The following ACAP2 variants were observed in gnomAD, a reference collection of about 807,000 sequenced individuals.
The protein encoded by ACAP2 is arf-GAP with coiled-coil, ANK repeat and PH domain-containing protein 2.
A neutral mutation model predicts 115.8 loss-of-function variants in ACAP2; 39 were observed. The observed-to-expected ratio is 0.34, with a 90% CI of 0.26 to 0.44. ACAP2 has a LOEUF of 0.44. Ranked by LOEUF, ACAP2 falls within the 20% of genes least tolerant of loss-of-function variation. The pLI is 1.00. For synonymous variants in ACAP2, 289 were observed against 315.8 expected, an observed-to-expected ratio of 0.92 and a Z score of 0.90; for missense variants, 662 against 927.6, an observed-to-expected ratio of 0.71 and a Z score of 3.72.
In ACAP2 at chr3:195,341,321, G is replaced by GTTTTT. The variant is rs377628235; in HGVS notation, c.528+1145_528+1149dup. ...TTCGTTTGTTTGTTTTATTGTGTGGGTTTTTTTTTTTTTTTTTTTTTGAGA... is the reference window on the plus strand; with the variant it reads ...TTCGTTTGTTTGTTTTATTGTGTGGGTTTTTTTTTTTTTTTTTTTTTTTTTTGAGA... On this transcript the variant is annotated intron_variant, in intron 6 of 22. Transcript: ENST00000326793. Among the ~76,000 whole-genome samples the GTTTTT allele has an allele frequency of 1.6e-3, 166 of 107,042 alleles. 11 individuals carry two copies. Among genetic ancestry groups the GTTTTT allele is most frequent in the South Asian group, 3.7e-3 (12 of 3,200 alleles). 70.2% of individuals were successfully genotyped at this position (107,042 alleles called of 152,430 possible). A position where few individuals can be genotyped will look rare whatever the true frequency, so the allele number is the denominator to read the frequency against.
chr3:195,378,369 A>G (rs1329485912), intron 4 of ACAP2, among the ~76,000 whole-genome samples: 1 of 152,054 alleles, frequency 6.6e-6, no homozygotes, highest in Non-Finnish European at 1.5e-5. Context: ...GCACGTCCCT[A>G]TAGTCCCAGC....
At position 195,345,825 on chromosome 3, in the gene ACAP2, T is replaced by C. The variant is rs546571507; in HGVS notation, c.286-508A>G. Among the ~76,000 whole-genome samples the C allele has an allele frequency of 1.0e-3, 155 of 152,210 alleles. 2 individuals are homozygous for C. Among genetic ancestry groups the C allele is most frequent in the Non-Finnish European group, 1.3e-3 (91 of 68,014 alleles). The stretch of plus-strand genomic sequence containing the variant: ...TATATCATCCTTTAGGTTAAATAAC[T>C]GCTAACAGTAGAGACAAGAGTAAAA... On this transcript the variant is annotated intron_variant, in intron 4 of 22. Transcript: ENST00000326793.
At chr3:195,339,537 G>A (rs4677829) in intron 6 of ACAP2, among the ~76,000 whole-genome samples, 42,094 of 148,658 alleles carry the variant, frequency 0.28, 6,707 homozygotes, top group East Asian at 0.71. Context: ...ATTATTGGAG[G>A]AAAAAAGTAA....
At chr3:195,429,103 A>C (rs1386725845) in intron 1 of ACAP2, among the ~76,000 whole-genome samples, 2 of 152,184 alleles carry the variant, frequency 1.3e-5, no homozygotes, top group African/African-American at 4.8e-5. Flanking sequence ...AACTAGTGAC[A>C]CTGGCCAGGT....
At chr3:195,361,932 A>G (rs1204259874) in intron 4 of ACAP2, among the ~76,000 whole-genome samples, 1 of 152,214 alleles carries the variant, frequency 6.6e-6, no homozygotes, top group Non-Finnish European at 1.5e-5. Flanking sequence ...AAATGGATAA[A>G]TTCCTAGACA....
At chr3:195,357,035 C>G (rs1416642031) in intron 4 of ACAP2, among the ~76,000 whole-genome samples, 1 of 151,972 alleles carries the variant, frequency 6.6e-6, no homozygotes, top group Non-Finnish European at 1.5e-5. Context: ...CGTAGGGTCC[C>G]TGATTCCAGA....
At chr3:195,428,566 T>C (rs1714866544) in intron 1 of ACAP2, among the ~76,000 whole-genome samples, 2 of 152,128 alleles carry the variant, frequency 1.3e-5, no homozygotes, top group African/African-American at 4.8e-5. Context: ...TACAGGTTTG[T>C]ATCCTAGGAC....
chr3:195,423,620 C>T lies in ACAP2; in HGVS notation c.53+19175G>A, dbSNP rs1268743853. 5.5e-5 allele frequency among the ~76,000 whole-genome samples: 5 copies of T among 90,618 alleles called. No individual in the cohort carries two copies. The Admixed American group carries it at 6.1e-4, about 11-fold the overall frequency. The allele number at this position is 90,618 out of a possible 152,430, so 59.4% of individuals were successfully genotyped here. A position where few individuals can be genotyped will look rare whatever the true frequency, so the allele number is the denominator to read the frequency against. On this transcript the variant is annotated intron_variant, in intron 1 of 22. Coordinates refer to ENST00000326793, the MANE Select transcript of ACAP2 (RefSeq NM_012287.6). ...CCCAGACAACAAAGTAAGACTCCGT[C>T]TCAAAAAAAAAAAAAAAAAAAAGGA...
At chr3:195,290,621 G>C (rs1202364106) in intron 20 of ACAP2, among the ~76,000 whole-genome samples, 1 of 151,764 alleles carries the variant, frequency 6.6e-6, no homozygotes, top group Non-Finnish European at 1.5e-5. Context: ...GACCAGCCTG[G>C]CCAACATGAT....
chr3:195,330,714 C>T (rs1730110419), intron 8 of ACAP2, among the ~76,000 whole-genome samples: 1 of 152,138 alleles, frequency 6.6e-6, no homozygotes, highest in Non-Finnish European at 1.5e-5. Context: ...CAATGGAACC[C>T]CTAAATTCTA....
chr3:195,403,178 G>A lies in ACAP2; in HGVS notation c.54-11031C>T, dbSNP rs984198126. On this transcript the variant is annotated intron_variant, in intron 1 of 22. Coordinates refer to ENST00000326793, the MANE Select transcript of ACAP2 (RefSeq NM_012287.6). ...ATGCAGACAAGGGTGTTAACAGGCA[G>A]AAAAAGCCACCAATGCAACATTCCT... Among the ~76,000 whole-genome samples, 8 of 152,192 alleles carry A rather than the reference G, an allele frequency of 5.3e-5. No homozygotes were observed. The East Asian group carries it at 1.5e-3, about 29-fold the overall frequency.
At chr3:195,301,443 A>C (rs1560217746) in intron 15 of ACAP2, 132 bp downstream of exon 15, 1 of 719,226 alleles carries the variant, frequency 1.4e-6, no homozygotes, top group East Asian at 2.7e-5. Context: ...AAATAGCCTC[A>C]GATGTGTTTC....
chr3:195,430,950 T>C (rs1715069243), intron 1 of ACAP2, among the ~76,000 whole-genome samples: 1 of 152,218 alleles, frequency 6.6e-6, no homozygotes, highest in Admixed American at 6.5e-5. Context: ...TAGTGGGTTT[T>C]AGTATATTTA....
chr3:195,412,926 G>A (rs1009653203), intron 1 of ACAP2: 3 of 455,874 alleles, frequency 6.6e-6, no homozygotes, highest in African/African-American at 4.0e-5. Flanking sequence ...TCTAAGTGAA[G>A]GAAACACAAT....
rs1424016951 is a variant in ACAP2, at chr3:195,424,281, ATATTTTTTTTTTTTTTTTTTTT to A, written c.53+18492_53+18513del. Reference sequence around the variant, plus strand: ...TGTGTGTATATATATATATATATATATATTTTTTTTTTTTTTTTTTTTTTTTTTTTTGAAACAGAGTCTCGCT... The same window carrying A: ...TGTGTGTATATATATATATATATATATTTTTTTTTGAAACAGAGTCTCGCT... On this transcript the variant is annotated intron_variant, in intron 1 of 22. Transcript: ENST00000326793. Among the ~76,000 whole-genome samples the A allele has an allele frequency of 4.5e-4, 22 of 49,386 alleles. No homozygotes were observed. In the South Asian group the frequency reaches 7.2e-3, roughly 16 times the overall value. The allele number at this position is 49,386 out of a possible 152,430, so 32.4% of individuals were successfully genotyped here. A position where few individuals can be genotyped will look rare whatever the true frequency, so the allele number is the denominator to read the frequency against.
At chr3:195,423,300 G>A (rs1426602969) in intron 1 of ACAP2, among the ~76,000 whole-genome samples, 1 of 152,178 alleles carries the variant, frequency 6.6e-6, no homozygotes. Context: ...GATGTTCACT[G>A]TACAATCCTT....
At chr3:195,403,684 G>A (rs1171043429) in intron 1 of ACAP2, among the ~76,000 whole-genome samples, 1 of 152,170 alleles carries the variant, frequency 6.6e-6, no homozygotes, top group African/African-American at 2.4e-5. Context: ...TTTCAGGCTG[G>A]AGCAAAAAGA....
intron 1 of ACAP2, among the ~76,000 whole-genome samples, chr3:195,393,615 A>G (rs1272009698): frequency 6.6e-6 from 1 of 152,198 alleles, no homozygotes; most frequent in Non-Finnish European, 1.5e-5. Flanking sequence ...CAAACTATGC[A>G]TTGTCCCCTT....
At chr3:195,409,874 C>A in intron 1 of ACAP2, among the ~76,000 whole-genome samples, 1 of 71,722 alleles carries the variant, frequency 1.4e-5, no homozygotes, top group African/African-American at 5.6e-5. Context: ...AGTGAGACTC[C>A]ATCTCAAAAA....
Sources: allele counts gnomAD v4.1 joint callset (sites outside exome capture counted in the v4.1 genomes callset), GRCh38; gene constraint gnomAD v4.1.1; transcripts MANE v1.5; gene names NCBI Gene and HGNC (gene_info 2026-07-23, HGNC 2026-07-21).